Variants in RBFOX1 observed in about 807,000 individuals in gnomAD.
RBFOX1 encodes RNA binding protein fox-1 homolog 1.
A neutral mutation model predicts 57.7 loss-of-function variants in RBFOX1; 8 were observed. The ratio of observed to expected loss-of-function variants is 0.14; its 90% CI spans 0.08 to 0.25. The LOEUF is 0.25. Among genes scored for constraint, RBFOX1 ranks in the 10% least tolerant of loss-of-function variants. RBFOX1 has a pLI of 1.00. For synonymous variants in RBFOX1, 326 were observed against 222.4 expected (o/e 1.47, Z -4.15); for missense variants, 611 against 548.5 (o/e 1.11, Z -1.14).
intron 2 of RBFOX1, among the ~76,000 whole-genome samples, chr16:6,535,949 A>T (rs1055750066): frequency 1.3e-5 from 2 of 152,154 alleles, no homozygotes; most frequent in African/African-American, 4.8e-5. Flanking sequence ...ACTTTGACCC[A>T]CTAAGATGCC....
Position 6,819,718 on chromosome 16 carries a change from A to C in RBFOX1, c.-16+165068A>C, listed in dbSNP as rs976989083. ...GAAACTCTGACTCAAAAAAAAAAAA[A>C]AAAAAAAAAAAAATAACAACACCAA... On this transcript the variant is annotated intron_variant, in intron 3 of 15. Coordinates refer to ENST00000550418, the MANE Select transcript of RBFOX1 (RefSeq NM_018723.4). Among the ~76,000 whole-genome samples, 58 of 145,404 alleles carry C rather than the reference A, an allele frequency of 4.0e-4. 4 individuals are homozygous for C. The highest frequency in any genetic ancestry group is 6.9e-3 in the Middle Eastern group (2 of 288).
intron 4 of RBFOX1, among the ~76,000 whole-genome samples, chr16:7,249,676 T>G (rs1731144878): frequency 6.6e-6 from 1 of 152,110 alleles, no homozygotes; most frequent in Non-Finnish European, 1.5e-5. Context: ...AGATTTATTT[T>G]TATGTATTTT....
At chr16:7,303,645 A>T (rs1313398128) in intron 4 of RBFOX1, among the ~76,000 whole-genome samples, 1 of 152,118 alleles carries the variant, frequency 6.6e-6, no homozygotes, top group African/African-American at 2.4e-5. Context: ...TTTCCCCTGG[A>T]CCCATTTGAC....
intron 2 of RBFOX1, among the ~76,000 whole-genome samples, chr16:5,531,433 G>T (rs2044473905): frequency 1.3e-5 from 2 of 152,212 alleles, no homozygotes; most frequent in South Asian, 4.1e-4. Flanking sequence ...AGGCTTAGAA[G>T]TAGGGGTAAT....
intron 4 of RBFOX1, among the ~76,000 whole-genome samples, chr16:7,069,077 A>G (rs1265070106): frequency 5.9e-5 from 9 of 152,256 alleles, no homozygotes; most frequent in Non-Finnish European, 1.0e-4. Flanking sequence ...AGATGTCTGT[A>G]GCAGATGGCA....
intron 4 of RBFOX1, among the ~76,000 whole-genome samples, chr16:7,261,874 T>C (rs4786142): frequency 0.68 from 103,644 of 152,072 alleles, 37,171 homozygotes; most frequent in African/African-American, 0.92. Flanking sequence ...GAGGCAAGGT[T>C]CCTTTGGGCA....
chr16:7,287,762 T>A (rs1015849249), intron 4 of RBFOX1, among the ~76,000 whole-genome samples: 1 of 152,178 alleles, frequency 6.6e-6, no homozygotes, highest in African/African-American at 2.4e-5. Flanking sequence ...TAGAAAGAGA[T>A]AAATTTAGAA....
At chr16:7,283,937 T>G (rs772152509) in intron 4 of RBFOX1, among the ~76,000 whole-genome samples, 1 of 152,208 alleles carries the variant, frequency 6.6e-6, no homozygotes, top group Non-Finnish European at 1.5e-5. Flanking sequence ...TAGGGCCTAG[T>G]TATAGTTAGT....
chr16:7,708,880 A>C (rs143110513), intron 14 of RBFOX1, among the ~76,000 whole-genome samples, 176 bp from the exon 15 acceptor site: 1 of 152,208 alleles, frequency 6.6e-6, no homozygotes, highest in Admixed American at 6.5e-5. Context: ...TAAATGCACA[A>C]AAAATGTATC....
At chr16:7,704,748 C>A (rs1240047317) in intron 14 of RBFOX1, among the ~76,000 whole-genome samples, 1 of 152,034 alleles carries the variant, frequency 6.6e-6, no homozygotes, top group East Asian at 1.9e-4. Flanking sequence ...TGGAAAGTGC[C>A]CTTAAAAATA....
At chr16:5,372,575 G>A (rs1006818621) in intron 1 of RBFOX1, among the ~76,000 whole-genome samples, 6 of 152,212 alleles carry the variant, frequency 3.9e-5, no homozygotes, top group African/African-American at 7.2e-5. Context: ...TGGTTTAGCC[G>A]TGGAGGTGAT....
At chr16:6,944,727 C>G (rs754576810) in intron 3 of RBFOX1, among the ~76,000 whole-genome samples, 1 of 152,140 alleles carries the variant, frequency 6.6e-6, no homozygotes, top group African/African-American at 2.4e-5. Context: ...CTTTCTGCCC[C>G]TTGACATACA....
At chr16:6,325,583 T>G (rs1037473241) in intron 2 of RBFOX1, among the ~76,000 whole-genome samples, 2 of 152,192 alleles carry the variant, frequency 1.3e-5, no homozygotes, top group Non-Finnish European at 2.9e-5. Flanking sequence ...AGTGTTGTTT[T>G]CTGAAGACAT....
At chr16:7,365,378 C>G (rs1028162611) in intron 4 of RBFOX1, among the ~76,000 whole-genome samples, 5 of 152,156 alleles carry the variant, frequency 3.3e-5, no homozygotes, top group African/African-American at 4.8e-5. Context: ...AGTCCATCCA[C>G]CAAACCATAG....
chr16:7,368,864 A>G (rs963770679), intron 4 of RBFOX1, among the ~76,000 whole-genome samples: 4 of 152,152 alleles, frequency 2.6e-5, no homozygotes, highest in African/African-American at 4.8e-5. Flanking sequence ...CAAGCCAGAC[A>G]GTTATCTTCA....
At chr16:5,793,880 C>G (rs1044849057) in intron 3 of RBFOX1, among the ~76,000 whole-genome samples, 7 of 152,226 alleles carry the variant, frequency 4.6e-5, no homozygotes, top group African/African-American at 1.4e-4. Flanking sequence ...CCAGCACGTT[C>G]TCCCTGATCC....
At chr16:7,001,245 C>G (rs113428149) in intron 3 of RBFOX1, among the ~76,000 whole-genome samples, 4 of 152,150 alleles carry the variant, frequency 2.6e-5, no homozygotes, top group African/African-American at 4.8e-5. Flanking sequence ...GAATGTCTTT[C>G]TGCTGTCTCC....
chr16:6,879,471 T>A (rs1489597508), intron 3 of RBFOX1, among the ~76,000 whole-genome samples: 1 of 152,222 alleles, frequency 6.6e-6, no homozygotes, highest in Non-Finnish European at 1.5e-5. Context: ...GTATCATTGA[T>A]TGATGACCCC....
intron 4 of RBFOX1, among the ~76,000 whole-genome samples, chr16:7,271,354 G>A: frequency 6.6e-6 from 1 of 151,552 alleles, no homozygotes; most frequent in East Asian, 1.9e-4. Context: ...ATTTCTTGGG[G>A]GGAGCTCGTA....
Sources: gnomAD v4.1 joint callset for allele counts (sites outside exome capture counted in the v4.1 genomes callset) on GRCh38, gnomAD v4.1.1 for gene constraint, MANE v1.5 for transcripts, NCBI Gene and HGNC (gene_info 2026-07-23, HGNC 2026-07-21) for gene names.